The following ITGB1 variants were observed in gnomAD, a reference collection of about 807,000 sequenced individuals.
ITGB1 encodes the protein integrin beta-1.
ITGB1 carries 24 observed loss-of-function variants against 86.5 expected under a neutral mutation model. The observed-to-expected ratio is 0.28, with a 90% confidence interval of 0.20 to 0.39. The LOEUF is 0.39. Ranked by LOEUF, ITGB1 falls within the 10% of genes least tolerant of loss-of-function variation. The pLI is 1.00. For missense variants in ITGB1, 556 were observed against 946.9 expected (o/e 0.59, Z 5.42); for synonymous variants, 323 against 316.8 (o/e 1.02, Z -0.21).
intron 6 of ITGB1, among the ~76,000 whole-genome samples, chr10:32,925,109 T>C (rs1160801608): frequency 6.6e-6 from 1 of 152,058 alleles, no homozygotes; most frequent in Non-Finnish European, 1.5e-5. Context: ...ATCTAGAGAA[T>C]GGGGGCACTG....
At chr10:32,936,532 A>G (rs1204147903) in intron 1 of ITGB1, among the ~76,000 whole-genome samples, 1 of 152,010 alleles carries the variant, frequency 6.6e-6, no homozygotes, top group East Asian at 1.9e-4. Flanking sequence ...CTCTCCCCCA[A>G]CAAAAAAAAA....
intron 2 of ITGB1, among the ~76,000 whole-genome samples, chr10:32,934,511 TAA>T (rs2094994524): frequency 6.6e-6 from 1 of 152,174 alleles, no homozygotes; most frequent in Non-Finnish European, 1.5e-5. Context: ...GCAACACTAC[TAA>T]TATAAGCTCC....
chr10:32,902,945 T>C (rs2094885578), intron 15 of ITGB1, among the ~76,000 whole-genome samples: 1 of 152,156 alleles, frequency 6.6e-6, no homozygotes, highest in African/African-American at 2.4e-5. Flanking sequence ...AGATTTTCAT[T>C]GTGAAATTGA....
intron 1 of ITGB1, among the ~76,000 whole-genome samples, chr10:32,947,233 AGATT>A (rs2095033365): frequency 6.6e-6 from 1 of 152,102 alleles, no homozygotes; most frequent in Non-Finnish European, 1.5e-5. Flanking sequence ...CCAAACTTAT[AGATT>A]ATCACTAGGT....
intron 15 of ITGB1, among the ~76,000 whole-genome samples, chr10:32,905,496 TAAAG>T (rs2094893511): frequency 6.6e-6 from 1 of 152,198 alleles, no homozygotes; most frequent in Admixed American, 6.5e-5. Flanking sequence ...TAAATCTCTA[TAAAG>T]AGTGATCTAC....
Position 32,910,418 on chromosome 10 carries a change from T to A in ITGB1, c.1969A>T (p.Lys657Ter). Reference sequence around the variant, plus strand: ...CATTCCTGTGTGCATGTGTCTTTCTTTTCTCCTTTATTGAAGGCTCTGCAC... The same window carrying A: ...CATTCCTGTGTGCATGTGTCTTTCTATTCTCCTTTATTGAAGGCTCTGCAC... ...VQCRAFNKGE[K>*]KDTCTQECSY... Residue 657 changes from lysine (K) to a stop codon, truncating the protein, a stop_gained, in exon 14 of 16, where the codon AAG (lysine) becomes TAG (stop). Transcript: ENST00000302278. LOFTEE classifies it high-confidence loss of function. 1 of 1,598,856 alleles carries A rather than the reference T, an allele frequency of 6.3e-7. No homozygotes were observed. The highest frequency in any genetic ancestry group is 8.6e-7 in the Non-Finnish European group (1 of 1,169,476).
chr10:32,913,125 A>C (rs1412924499), intron 11 of ITGB1, among the ~76,000 whole-genome samples: 2 of 152,222 alleles, frequency 1.3e-5, no homozygotes, highest in Non-Finnish European at 2.9e-5. Context: ...GAAAACTAAC[A>C]AACAGAAAGG....
rs1565829413 is a variant in ITGB1, at chr10:32,935,604, G to C, written c.1-46C>G. ...TATATTAGTTATAAAGAAATAAAATGAAAAATGCATTAAATAGAAAGTATT... is the reference window on the plus strand; with the variant it reads ...TATATTAGTTATAAAGAAATAAAATCAAAAATGCATTAAATAGAAAGTATT... On this transcript the variant is annotated intron_variant, in intron 1 of 15. Transcript: ENST00000302278. 3 of 1,336,222 alleles carry C rather than the reference G, an allele frequency of 2.2e-6. No individual in the cohort carries two copies. In the South Asian group the frequency reaches 3.6e-5, roughly 16 times the overall value. The allele number at this position is 1,336,222 out of a possible 1,614,324, so 82.8% of individuals were successfully genotyped here.
chr10:32,918,343 TAAAA>T lies in ITGB1; in HGVS notation c.1469+1538_1469+1541del, dbSNP rs545341119. ...ATGTACCCTAGAAATTAAAGTATAA[TAAAA>T]AAGAAGAAGAATCATCTTGGAGGGA... is the stretch of plus-strand genomic sequence containing the variant. On this transcript the variant is annotated intron_variant, in intron 11 of 15. Coordinates refer to ENST00000302278, the MANE Select transcript of ITGB1 (RefSeq NM_002211.4). 1.9e-3 allele frequency among the ~76,000 whole-genome samples: 293 copies of T among 150,506 alleles called. 2 individuals carry two copies. Among genetic ancestry groups the T allele is most frequent in the African/African-American group, 6.6e-3 (271 of 41,360 alleles).
At chr10:32,936,758 A>T (rs1234378396) in intron 1 of ITGB1, among the ~76,000 whole-genome samples, 1 of 152,180 alleles carries the variant, frequency 6.6e-6, no homozygotes, top group Non-Finnish European at 1.5e-5. Context: ...TTGATCCCTT[A>T]ACTACTTACT....
At chr10:32,957,890 G>A (rs984021670) in intron 1 of ITGB1, 13 of 152,180 alleles carry the variant, frequency 8.5e-5, no homozygotes, top group Non-Finnish European at 1.6e-4. Flanking sequence ...CGGCTGGGCT[G>A]GCTCTGCGCC....
At chr10:32,925,847 C>A in intron 6 of ITGB1, 24 bp downstream of exon 6, 1 of 1,329,978 alleles carries the variant, frequency 7.5e-7, no homozygotes. Context: ...ACAATATCCC[C>A]TGATAGGAAA....
intron 3 of ITGB1, among the ~76,000 whole-genome samples, chr10:32,930,665 T>C (rs2094980507): frequency 6.6e-6 from 1 of 152,006 alleles, no homozygotes; most frequent in South Asian, 2.1e-4. Context: ...AAATAGTAAG[T>C]ATATGACAAG....
intron 1 of ITGB1, among the ~76,000 whole-genome samples, chr10:32,947,139 G>T (rs1477971658): frequency 6.6e-6 from 1 of 151,904 alleles, no homozygotes; most frequent in African/African-American, 2.4e-5. Context: ...CACCATACCT[G>T]GCCTACTTCA....
At chr10:32,923,838 A>G (rs901703529) in intron 6 of ITGB1, 98 bp from the exon 7 acceptor site, 3 of 988,318 alleles carry the variant, frequency 3.0e-6, no homozygotes, top group Non-Finnish European at 4.4e-6. Flanking sequence ...TTTTTAACCT[A>G]ATTCTGTATT....
chr10:32,920,494 T>C, intron 9 of ITGB1, 109 bp from the exon 10 acceptor site: 1 of 944,330 alleles, frequency 1.1e-6, no homozygotes, highest in African/African-American at 1.7e-5. Flanking sequence ...ATAAAGTATC[T>C]ACAAGCCAAA....
chr10:32,924,706 G>T (rs1032597183), intron 6 of ITGB1, among the ~76,000 whole-genome samples: 1 of 152,216 alleles, frequency 6.6e-6, no homozygotes, highest in Non-Finnish European at 1.5e-5. Context: ...TGGCTAGTAA[G>T]AAAAGAGGTG....
chr10:32,914,201 T>G (rs2094924156), intron 11 of ITGB1, among the ~76,000 whole-genome samples: 1 of 152,302 alleles, frequency 6.6e-6, no homozygotes, highest in African/African-American at 2.4e-5. Context: ...TACCAGCCAC[T>G]GCAAAAACAT....
intron 11 of ITGB1, among the ~76,000 whole-genome samples, chr10:32,915,427 A>G (rs2094928419): frequency 6.6e-6 from 1 of 152,204 alleles, no homozygotes; most frequent in African/African-American, 2.4e-5. Flanking sequence ...AGCAAGACTA[A>G]TAAAGAAGAA....
Sources: gnomAD v4.1 joint callset for allele counts (sites outside exome capture counted in the v4.1 genomes callset) on GRCh38, gnomAD v4.1.1 for gene constraint, MANE v1.5 for transcripts, NCBI Gene and HGNC (gene_info 2026-07-23, HGNC 2026-07-21) for gene names.